Variants in SLC6A20 observed in about 807,000 individuals in gnomAD.
SLC6A20 encodes solute carrier family 6 member 20.
A neutral mutation model predicts 64.3 loss-of-function variants in SLC6A20; 73 were observed. The ratio of observed to expected loss-of-function variants is 1.14; its 90% CI spans 0.94 to 1.38. The LOEUF (loss-of-function observed/expected upper bound fraction) is 1.38. Among genes scored for constraint, SLC6A20 ranks in the 40% most tolerant of loss-of-function variants. SLC6A20 has a pLI of 0.00. For synonymous variants in SLC6A20, 347 were observed against 329.6 expected (o/e 1.05, Z -0.57); for missense variants, 725 against 772.8 (o/e 0.94, Z 0.73).
rs909850913 is a variant in SLC6A20, at chr3:45,758,682, T to C, written c.*296A>G. On this transcript the variant is annotated 3_prime_UTR_variant, in exon 11 of 11. Transcript: ENST00000358525. ...ATTATAGTCATATTTCAGTTTGCAA[T>C]GTGCCCTAATTCTAGGGCTTTCCTG... 3 of 1,206,502 alleles carry C rather than the reference T, an allele frequency of 2.5e-6. No individual in the cohort carries two copies. The highest frequency in any genetic ancestry group is 3.1e-6 in the Non-Finnish European group (3 of 967,412). The allele number at this position is 1,206,502 out of a possible 1,614,324, so 74.7% of individuals were successfully genotyped here.
intron 7 of SLC6A20, among the ~76,000 whole-genome samples, chr3:45,768,361 T>C (rs1444735383): frequency 6.6e-6 from 1 of 151,016 alleles, no homozygotes; most frequent in African/African-American, 2.4e-5. Context: ...AAAAATGAAG[T>C]CTAGATAAAT....
intron 3 of SLC6A20, among the ~76,000 whole-genome samples, chr3:45,776,886 T>A (rs1575431415): frequency 6.6e-6 from 1 of 152,178 alleles, no homozygotes; most frequent in African/African-American, 2.4e-5. Flanking sequence ...AGGCTCCAGG[T>A]GTGCCCCCAT....
intron 1 of SLC6A20, among the ~76,000 whole-genome samples, chr3:45,787,985 G>T (rs1258523924): frequency 6.6e-6 from 1 of 152,084 alleles, no homozygotes; most frequent in Non-Finnish European, 1.5e-5. Context: ...TCGCTCTGTT[G>T]CCCAGGCTGG....
chr3:45,775,674 G>T, intron 4 of SLC6A20, 87 bp downstream of exon 4: 1 of 1,320,554 alleles, frequency 7.6e-7, no homozygotes, highest in Non-Finnish European at 1.0e-6. Flanking sequence ...CCTTGGCATT[G>T]CCTAGGGTTG....
At chr3:45,792,188 A>G (rs1032930996) in intron 1 of SLC6A20, among the ~76,000 whole-genome samples, 1 of 152,170 alleles carries the variant, frequency 6.6e-6, no homozygotes, top group Non-Finnish European at 1.5e-5. Flanking sequence ...GGAGAACCAC[A>G]GGAAGAAGTA....
chr3:45,771,337 C>A lies in SLC6A20; in HGVS notation c.815G>T (p.Cys272Phe). Residue 272 changes from cysteine to phenylalanine, a missense_variant, in exon 6 of 11, where the codon TGC becomes TTC. Physicochemically the swap from Cys to Phe is radical, Grantham distance 205. Transcript: ENST00000358525. ...FASYNEPSNNCQKHAIIVSLI... is the reference protein window; with the variant it reads ...FASYNEPSNNFQKHAIIVSLI... ...GGACACGATGATGGCGTGCTTCTGG[C>A]AGTTGTTGGATGGCTCATTGTAGCT... is the stretch of plus-strand genomic sequence containing the variant. The A allele has an allele frequency of 1.2e-6, 2 of 1,614,226 alleles. No homozygotes were observed. The highest frequency in any genetic ancestry group is 1.3e-5 in the African/African-American group (1 of 75,064).
rs553406056 is a variant in SLC6A20, at chr3:45,759,085, C to T, written c.1672G>A (p.Val558Ile). Residue 558 changes from valine to isoleucine, a missense_variant, in exon 11 of 11, where the codon GTC (valine) becomes ATC (isoleucine). Coordinates refer to ENST00000358525, the MANE Select transcript of SLC6A20 (RefSeq NM_020208.4). ...TKDYPAYALA[V>I]IGLLVASSTM... ...GAGGAGGCCACAAGCAGCCCGATGA[C>T]AGCCAGTGCATAGGCCGGGTAATCT... 235 of 1,612,846 alleles carry T rather than the reference C, an allele frequency of 1.5e-4. 3 individuals are homozygous for T. In the South Asian group the frequency reaches 2.5e-3, roughly 17 times the overall value.
chr3:45,775,802 C>G lies in SLC6A20; in HGVS notation c.541G>C (p.Val181Leu). ...ALCLLLAWLV[V>L]YLCILRGTES... is the part of the protein sequence containing the mutation. ...GTGCCACGCAGGATGCACAGGTACA[C>G]CACCAGCCAGGCCAGGAGGAGGCAC... is the stretch of plus-strand genomic sequence containing the variant. Residue 181 changes from valine to leucine, a missense_variant, in exon 4 of 11, where the codon GTG becomes CTG. Val to Leu is a conservative substitution (Grantham distance 32). Transcript: ENST00000358525. The G allele has an allele frequency of 6.2e-6, 10 of 1,614,150 alleles. No homozygotes were observed. The highest frequency in any genetic ancestry group is 8.5e-6 in the Non-Finnish European group (10 of 1,180,006).
intron 1 of SLC6A20, among the ~76,000 whole-genome samples, chr3:45,787,767 A>G (rs1559572232): frequency 1.3e-5 from 2 of 152,134 alleles, no homozygotes; most frequent in Non-Finnish European, 2.9e-5. Context: ...GAGGGTAGAG[A>G]TGGGATCTGC....
chr3:45,762,177 C>T (rs747383893), intron 9 of SLC6A20, among the ~76,000 whole-genome samples: 18 of 152,228 alleles, frequency 1.2e-4, no homozygotes, highest in Admixed American at 4.6e-4. Flanking sequence ...TCCCAACGAG[C>T]GCCTTGTTGC....
At position 45,756,696 on chromosome 3, in the gene SLC6A20, T is replaced by C. The variant is rs1699550499; in HGVS notation, c.*2282A>G. 6.6e-6 allele frequency: 1 copy of C among 152,170 alleles called. No homozygotes were observed. Among genetic ancestry groups the C allele is most frequent in the Non-Finnish European group, 1.5e-5 (1 of 68,034 alleles). 9.4% of individuals were successfully genotyped at this position (152,170 alleles called of 1,614,324 possible). The stretch of plus-strand genomic sequence containing the variant: ...ACAGAAACTCTCCAGAATTCCATGA[T>C]CTCAAGGAAGCACTGGACGTTAGAG... On this transcript the variant is annotated 3_prime_UTR_variant, in exon 11 of 11. Coordinates refer to ENST00000358525, the MANE Select transcript of SLC6A20 (RefSeq NM_020208.4).
intron 10 of SLC6A20, 47 bp from the exon 11 acceptor site, chr3:45,759,174 G>T (rs776285589): frequency 1.2e-5 from 18 of 1,555,756 alleles, no homozygotes; most frequent in South Asian, 2.5e-5. Flanking sequence ...GCTGAGCACT[G>T]CCCCTGGGCC....
chr3:45,781,435 T>C (rs1700083306), intron 2 of SLC6A20, among the ~76,000 whole-genome samples: 1 of 152,162 alleles, frequency 6.6e-6, no homozygotes, highest in African/African-American at 2.4e-5. Flanking sequence ...CTACTTCTGG[T>C]CAGGGTTCCT....
At chr3:45,762,862 C>T (rs758485314) in intron 9 of SLC6A20, 51 bp downstream of exon 9, 108 of 1,602,694 alleles carry the variant, frequency 6.7e-5, no homozygotes, top group Non-Finnish European at 9.1e-5. Flanking sequence ...AGGGGCGTGG[C>T]CTCTGTGGCT....
intron 4 of SLC6A20, among the ~76,000 whole-genome samples, chr3:45,773,827 A>G (rs1351495163): frequency 6.6e-6 from 1 of 152,190 alleles, no homozygotes; most frequent in African/African-American, 2.4e-5. Context: ...ACTGCTTCTT[A>G]GCTGAGGTTG....
chr3:45,782,261 A>C, intron 1 of SLC6A20, 38 bp from the exon 2 acceptor site: 1 of 1,587,984 alleles, frequency 6.3e-7, no homozygotes, highest in Non-Finnish European at 8.6e-7. Flanking sequence ...GCCACCACCA[A>C]AAGGCTTTTC....
At chr3:45,767,911 A>AG (rs1699801275) in intron 7 of SLC6A20, among the ~76,000 whole-genome samples, 1 of 152,238 alleles carries the variant, frequency 6.6e-6, no homozygotes, top group Admixed American at 6.5e-5. Flanking sequence ...GGAATTTTCT[A>AG]CTCCGAGGAA....
intron 1 of SLC6A20, among the ~76,000 whole-genome samples, chr3:45,786,784 T>C (rs1700176775): frequency 6.6e-6 from 1 of 152,224 alleles, no homozygotes; most frequent in South Asian, 2.1e-4. Flanking sequence ...TCCTTCTAAG[T>C]CCTGGAGTTT....
rs1224231277 is a variant in SLC6A20, at chr3:45,796,336, C to G, written c.84G>C (p.Val28=). 4 of 1,612,576 alleles carry G rather than the reference C, an allele frequency of 2.5e-6. No individual in the cohort carries two copies. ...TCTGGCACAGGTACGGGAATCGCCACACGTTGCCCAGGCCCACGGCGTACG... is the reference window on the plus strand; with the variant it reads ...TCTGGCACAGGTACGGGAATCGCCAGACGTTGCCCAGGCCCACGGCGTACG... ...CISYAVGLGN[V]WRFPYLCQMY... is the part of the protein sequence containing the mutation. The change falls in exon 1 of 11, where the codon GTG becomes GTC. Residue 28 remains valine (V), a synonymous_variant. Coordinates refer to ENST00000358525, the MANE Select transcript of SLC6A20 (RefSeq NM_020208.4).
Sources: allele counts gnomAD v4.1 joint callset (sites outside exome capture counted in the v4.1 genomes callset), GRCh38; gene constraint gnomAD v4.1.1; transcripts MANE v1.5; gene names NCBI Gene and HGNC (gene_info 2026-07-23, HGNC 2026-07-21).